Variants in MICU3 observed in about 807,000 individuals in gnomAD.
The protein encoded by MICU3 is calcium uptake protein 3, mitochondrial.
A neutral mutation model predicts 66.5 loss-of-function variants in MICU3; 62 were observed. That is an observed-to-expected ratio of 0.93 (90% CI 0.76 to 1.15). The LOEUF (loss-of-function observed/expected upper bound fraction) is 1.15. Ranked by LOEUF, MICU3 falls within the 50% of genes most tolerant of loss-of-function variation. The probability of loss-of-function intolerance (pLI) is 0.00; values close to 1 mark genes in which losing one functional copy is unlikely to be tolerated. For missense variants in MICU3, 779 were observed against 664.4 expected, an observed-to-expected ratio of 1.17 and a Z score of -1.90; for synonymous variants, 308 against 240.7, an observed-to-expected ratio of 1.28 and a Z score of -2.59.
At chr8:17,054,900 G>A (rs1018431778) in intron 1 of MICU3, among the ~76,000 whole-genome samples, 7 of 151,666 alleles carry the variant, frequency 4.6e-5, no homozygotes, top group South Asian at 2.1e-4. Context: ...CACCATGCCC[G>A]GCTAATTTTT....
intron 8 of MICU3, 147 bp from the exon 9 acceptor site, chr8:17,098,311 G>T (rs1022535801): frequency 2.9e-6 from 2 of 699,546 alleles, no homozygotes; most frequent in South Asian, 1.6e-5. Flanking sequence ...ACAATACTGT[G>T]GTGCACAGCA....
chr8:17,137,524 A>ATT, the MICU3 span, among the ~76,000 whole-genome samples: 2 of 145,666 alleles, frequency 1.4e-5, no homozygotes, highest in Non-Finnish European at 3.1e-5. Flanking sequence ...TTTTTTTTAA[A>ATT]AAAAAAAAAA....
intron 11 of MICU3, among the ~76,000 whole-genome samples, chr8:17,107,731 C>T (rs1452293003): frequency 2.0e-5 from 3 of 152,176 alleles, no homozygotes; most frequent in African/African-American, 7.2e-5. Flanking sequence ...TATTGACTCT[C>T]TGGCCCTTTA....
intron 1 of MICU3, among the ~76,000 whole-genome samples, chr8:17,033,593 C>T (rs1453897315): frequency 6.6e-6 from 1 of 152,102 alleles, no homozygotes; most frequent in Non-Finnish European, 1.5e-5. Flanking sequence ...CCCACCACCA[C>T]ACCCAGCTAA....
At chr8:17,070,881 G>A (rs1013214589) in intron 3 of MICU3, among the ~76,000 whole-genome samples, 1 of 151,948 alleles carries the variant, frequency 6.6e-6, no homozygotes, top group Non-Finnish European at 1.5e-5. Context: ...TTTTCAGTTT[G>A]GTAGACGAGA....
intron 14 of MICU3, 65 bp downstream of exon 14, chr8:17,118,840 T>A (rs1802946836): frequency 1.1e-6 from 1 of 942,924 alleles, no homozygotes; most frequent in Non-Finnish European, 1.7e-6. Context: ...TATTTTTCTG[T>A]TATAACATTT....
intron 9 of MICU3, among the ~76,000 whole-genome samples, chr8:17,101,928 A>C (rs1008373751): frequency 2.0e-5 from 3 of 151,938 alleles, no homozygotes; most frequent in African/African-American, 2.4e-5. Context: ...TTTACAGTAC[A>C]CTAGTCAGAG....
At chr8:17,124,895 A>C (rs963480674), downstream of MICU3, among the ~76,000 whole-genome samples, 2 of 152,094 alleles carry the variant, frequency 1.3e-5, no homozygotes, top group African/African-American at 4.8e-5. Context: ...TCTAGGACTT[A>C]GTAGAATCTT....
chr8:17,106,244 A>G (rs1347496729), intron 11 of MICU3, among the ~76,000 whole-genome samples: 1 of 152,050 alleles, frequency 6.6e-6, no homozygotes, highest in Non-Finnish European at 1.5e-5. Flanking sequence ...TGTTTAGACA[A>G]GGATCAGGTT....
At chr8:17,090,779 A>G (rs1585440690) in intron 8 of MICU3, 195 bp downstream of exon 8, 1 of 410,810 alleles carries the variant, frequency 2.4e-6, no homozygotes, top group East Asian at 3.8e-5. Flanking sequence ...AAATATGCAG[A>G]ATAATTATAT....
intron 1 of MICU3, among the ~76,000 whole-genome samples, chr8:17,034,928 G>T (rs1812717587): frequency 6.6e-6 from 1 of 152,214 alleles, no homozygotes; most frequent in Non-Finnish European, 1.5e-5. Flanking sequence ...GTTTGGCTCA[G>T]TGTCCCACCC....
At chr8:17,118,166 G>A (rs1209547117) in intron 13 of MICU3, among the ~76,000 whole-genome samples, 3 of 151,984 alleles carry the variant, frequency 2.0e-5, no homozygotes, top group Admixed American at 6.5e-5. Context: ...TATAAAGTAC[G>A]CTAGAAACGT....
chr8:17,124,645 G>C (rs1398898331), downstream of MICU3, among the ~76,000 whole-genome samples: 1 of 151,280 alleles, frequency 6.6e-6, no homozygotes, highest in Admixed American at 6.6e-5. Context: ...TTGGAATAGA[G>C]CATAAACCTC....
At chr8:17,135,002 T>C in the MICU3 span, among the ~76,000 whole-genome samples, 1 of 152,230 alleles carries the variant, frequency 6.6e-6, no homozygotes, top group Admixed American at 6.5e-5. Context: ...TTCAGTTGTA[T>C]ATTCTACTTA....
chr8:17,063,930 AATTT>A (rs1270629214), intron 1 of MICU3, among the ~76,000 whole-genome samples, 150 bp from the exon 2 acceptor site: 2 of 152,186 alleles, frequency 1.3e-5, no homozygotes, highest in Admixed American at 6.5e-5. Context: ...TTATGTGAAT[AATTT>A]ATTTATAAAG....
At chr8:17,039,289 TG>T (rs773083218) in intron 1 of MICU3, among the ~76,000 whole-genome samples, 3 of 152,198 alleles carry the variant, frequency 2.0e-5, no homozygotes, top group Non-Finnish European at 4.4e-5. Context: ...TTTATTGTGG[TG>T]GTGTGGAACT....
the MICU3 span, among the ~76,000 whole-genome samples, chr8:17,128,590 T>G: frequency 1.3e-5 from 2 of 152,198 alleles, no homozygotes; most frequent in East Asian, 3.9e-4. Flanking sequence ...TGGAGAGCCA[T>G]GACTATTAGA....
chr8:17,135,446 G>T, the MICU3 span, among the ~76,000 whole-genome samples: 1 of 150,996 alleles, frequency 6.6e-6, no homozygotes, highest in Non-Finnish European at 1.5e-5. Flanking sequence ...TCTGATTTTT[G>T]TTGGTATACA....
At chr8:17,089,168 C>G (rs933256416) in intron 7 of MICU3, among the ~76,000 whole-genome samples, 5 of 151,934 alleles carry the variant, frequency 3.3e-5, no homozygotes, top group Non-Finnish European at 7.4e-5. Flanking sequence ...ACTTAAATAG[C>G]GCTTCTAAAA....
Sources: allele counts gnomAD v4.1 joint callset (sites outside exome capture counted in the v4.1 genomes callset), GRCh38; gene constraint gnomAD v4.1.1; transcripts MANE v1.5; gene names NCBI Gene and HGNC (gene_info 2026-07-23, HGNC 2026-07-21).